FLACC1: variants seen among roughly 807,000 people sequenced by gnomAD.
FLACC1 encodes flagellum-associated coiled-coil domain-containing protein 1.
A neutral mutation model predicts 62.8 loss-of-function variants in FLACC1; 66 were observed. That is an observed-to-expected ratio of 1.05 (90% CI 0.86 to 1.29). The LOEUF (loss-of-function observed/expected upper bound fraction) is 1.29. FLACC1 is among the 50% of genes most tolerant of loss of function. FLACC1 has a pLI of 0.00. For missense variants in FLACC1, 452 were observed against 489.1 expected (o/e 0.92, Z 0.71); for synonymous variants, 156 against 161.0 (o/e 0.97, Z 0.24).
At chr2:201,330,162 T>C (rs545412764) in intron 9 of FLACC1, among the ~76,000 whole-genome samples, 1 of 152,302 alleles carries the variant, frequency 6.6e-6, no homozygotes, top group African/African-American at 2.4e-5. Context: ...AAAGTACAAA[T>C]ATTAACAGGG....
chr2:201,329,601 T>C (rs1172352893), intron 9 of FLACC1, among the ~76,000 whole-genome samples: 1 of 152,212 alleles, frequency 6.6e-6, no homozygotes, highest in East Asian at 1.9e-4. Flanking sequence ...CATGGAATAC[T>C]ATGCAGCCAT....
chr2:201,338,243 T>A (rs1201623302), intron 7 of FLACC1, among the ~76,000 whole-genome samples: 1 of 152,240 alleles, frequency 6.6e-6, no homozygotes, highest in Non-Finnish European at 1.5e-5. Flanking sequence ...GATATTTGTA[T>A]GTTGATTTTA....
chr2:201,351,204 C>T (rs1951020682), intron 2 of FLACC1, 88 bp downstream of exon 2: 1 of 1,182,550 alleles, frequency 8.5e-7, no homozygotes, highest in Middle Eastern at 1.9e-4. Context: ...TCCTGCCACA[C>T]TTGCTGTTTT....
chr2:201,305,876 A>G (rs921156797), intron 11 of FLACC1, among the ~76,000 whole-genome samples: 1 of 150,784 alleles, frequency 6.6e-6, no homozygotes, highest in Non-Finnish European at 1.5e-5. Context: ...TAGGTAGGAA[A>G]TGAACAATGA....
intron 12 of FLACC1, among the ~76,000 whole-genome samples, chr2:201,295,915 T>C (rs371586318): frequency 2.0e-5 from 3 of 152,062 alleles, no homozygotes; most frequent in Non-Finnish European, 4.4e-5. Flanking sequence ...TGAAAAAATG[T>C]TCATCATCAC....
chr2:201,337,125 A>C (rs1171590007), intron 7 of FLACC1, among the ~76,000 whole-genome samples: 2 of 152,094 alleles, frequency 1.3e-5, no homozygotes, highest in Non-Finnish European at 2.9e-5. Context: ...TTGCGTGTAG[A>C]AGCTTTTTAG....
At chr2:201,316,847 T>C (rs1204937373) in intron 9 of FLACC1, among the ~76,000 whole-genome samples, 5 of 152,128 alleles carry the variant, frequency 3.3e-5, no homozygotes, top group Non-Finnish European at 5.9e-5. Context: ...ATCAAAAAGA[T>C]AATCCACCAT....
chr2:201,321,301 C>T (rs940926654), intron 9 of FLACC1, among the ~76,000 whole-genome samples: 1 of 152,126 alleles, frequency 6.6e-6, no homozygotes, highest in Non-Finnish European at 1.5e-5. Context: ...GGAGTGGGAT[C>T]CCCCTGATCC....
At chr2:201,362,866 C>A in the FLACC1 span, among the ~76,000 whole-genome samples, 2 of 152,134 alleles carry the variant, frequency 1.3e-5, no homozygotes, top group Non-Finnish European at 1.5e-5. Context: ...GTCTCCATAG[C>A]CAGAACTGTG....
intron 9 of FLACC1, among the ~76,000 whole-genome samples, chr2:201,318,535 C>T (rs1289298180): frequency 6.6e-6 from 1 of 151,978 alleles, no homozygotes; most frequent in Non-Finnish European, 1.5e-5. Context: ...CAAATCAAAA[C>T]CACAATGAGA....
In FLACC1 at chr2:201,350,868, T is replaced by TA; in HGVS notation, c.114-87dup. ...CACTCCCAGATTAAGTACATCCCTATAGTGACCCAAAATTGGAATGCATGA... is the reference window on the plus strand; with the variant it reads ...CACTCCCAGATTAAGTACATCCCTATAAGTGACCCAAAATTGGAATGCATGA... On this transcript the variant is annotated intron_variant, in intron 2 of 14. Coordinates refer to ENST00000392257, the MANE Select transcript of FLACC1 (RefSeq NM_001127391.3). 1.0e-5 allele frequency: 12 copies of TA among 1,152,644 alleles called. 1 individual carries two copies. Among genetic ancestry groups the TA allele is most frequent in the South Asian group, 8.3e-5 (6 of 71,930 alleles). 71.4% of individuals were successfully genotyped at this position (1,152,644 alleles called of 1,614,324 possible).
At chr2:201,352,878 G>A (rs1225536239) in intron 1 of FLACC1, among the ~76,000 whole-genome samples, 2 of 152,228 alleles carry the variant, frequency 1.3e-5, no homozygotes, top group Non-Finnish European at 2.9e-5. Flanking sequence ...AATGGAGGAA[G>A]AAGTAGGAGT....
rs552027864 is a variant in FLACC1 at position 201,316,012 on chromosome 2, C to A, written c.676-6762G>T. On this transcript the variant is annotated intron_variant, in intron 9 of 14. Transcript: ENST00000392257. Reference sequence around the variant, plus strand: ...AAAAATTCTTCAAACTGAATGACAACAGTGACATAAAACCTATCAAAACCT... The same window carrying A: ...AAAAATTCTTCAAACTGAATGACAAAAGTGACATAAAACCTATCAAAACCT... Among the ~76,000 whole-genome samples, 9 of 152,024 alleles carry A rather than the reference C, an allele frequency of 5.9e-5. No homozygotes were observed. In the South Asian group the frequency reaches 1.9e-3, roughly 32 times the overall value.
intron 11 of FLACC1, among the ~76,000 whole-genome samples, 185 bp downstream of exon 11, chr2:201,307,334 G>A (rs966673716): frequency 6.6e-6 from 1 of 152,216 alleles, no homozygotes; most frequent in African/African-American, 2.4e-5. Flanking sequence ...TAGCCTGTGG[G>A]AAGATTGCCC....
intron 10 of FLACC1, among the ~76,000 whole-genome samples, chr2:201,308,643 T>A (rs935812671): frequency 1.3e-5 from 2 of 152,120 alleles, no homozygotes; most frequent in African/African-American, 2.4e-5. Flanking sequence ...GAATACTTTG[T>A]ATGGTGCAAG....
intron 12 of FLACC1, among the ~76,000 whole-genome samples, chr2:201,296,076 A>C (rs1949854418): frequency 6.6e-6 from 1 of 152,192 alleles, no homozygotes; most frequent in South Asian, 2.1e-4. Context: ...ACTGTAAACT[A>C]GTTCAACCAT....
chr2:201,313,891 T>C (rs1273904461), intron 9 of FLACC1, among the ~76,000 whole-genome samples: 2 of 152,208 alleles, frequency 1.3e-5, no homozygotes, highest in African/African-American at 4.8e-5. Context: ...CACAGGACTC[T>C]GTGCAGACAA....
At chr2:201,323,982 T>G (rs1255328706) in intron 9 of FLACC1, among the ~76,000 whole-genome samples, 1 of 151,954 alleles carries the variant, frequency 6.6e-6, no homozygotes, top group Non-Finnish European at 1.5e-5. Flanking sequence ...ATTAACATGA[T>G]GAAGAGAAGA....
At chr2:201,331,675 G>A (rs1238476313) in intron 7 of FLACC1, among the ~76,000 whole-genome samples, 1 of 152,216 alleles carries the variant, frequency 6.6e-6, no homozygotes, top group Non-Finnish European at 1.5e-5. Context: ...AGACAGTAAA[G>A]AGATCAGTGT....
Sources: gnomAD v4.1 joint callset for allele counts (sites outside exome capture counted in the v4.1 genomes callset) on GRCh38, gnomAD v4.1.1 for gene constraint, MANE v1.5 for transcripts, NCBI Gene and HGNC (gene_info 2026-07-23, HGNC 2026-07-21) for gene names.